Variants in NRXN3 observed in about 807,000 individuals in gnomAD.
NRXN3 encodes neurexin III.
In NRXN3, 32 loss-of-function variants were observed where a neutral mutation model predicts 137.6. That is an observed-to-expected ratio of 0.23 (90% CI 0.18 to 0.31). The LOEUF is 0.31. Among genes scored for constraint, NRXN3 ranks in the 10% least tolerant of loss-of-function variants. NRXN3 has a pLI of 1.00. For synonymous variants in NRXN3, 798 were observed against 784.5 expected (o/e 1.02, Z -0.29); for missense variants, 1,574 against 2,062.5 (o/e 0.76, Z 4.59).
At chr14:79,277,662 CTG>C (rs1448562818) in intron 15 of NRXN3, among the ~76,000 whole-genome samples, 1 of 152,200 alleles carries the variant, frequency 6.6e-6, no homozygotes, top group Non-Finnish European at 1.5e-5. Context: ...GAGGAGGAAA[CTG>C]AGGTTTCAAT....
chr14:79,166,284 C>A (rs1033695393), intron 15 of NRXN3, among the ~76,000 whole-genome samples: 1 of 151,768 alleles, frequency 6.6e-6, no homozygotes, highest in Non-Finnish European at 1.5e-5. Context: ...TTCATCATGC[C>A]GGCTCCTTCT....
At chr14:79,660,296 C>T (rs2098527284) in intron 16 of NRXN3, among the ~76,000 whole-genome samples, 1 of 152,088 alleles carries the variant, frequency 6.6e-6, no homozygotes, top group Non-Finnish European at 1.5e-5. Flanking sequence ...CCACCGTGGT[C>T]CCATGACAAA....
At chr14:78,669,239 G>A (rs2097913955) in intron 6 of NRXN3, among the ~76,000 whole-genome samples, 1 of 151,638 alleles carries the variant, frequency 6.6e-6, no homozygotes, top group Non-Finnish European at 1.5e-5. Context: ...CTAATAATAA[G>A]CTAAAGGAAG....
intron 4 of NRXN3, among the ~76,000 whole-genome samples, chr14:78,486,517 G>A (rs1010573470): frequency 6.6e-6 from 1 of 152,144 alleles, no homozygotes; most frequent in Non-Finnish European, 1.5e-5. Context: ...TGGCAGAGGA[G>A]AGTCCGTGTA....
At chr14:79,806,808 A>G (rs1260019062) in intron 20 of NRXN3, among the ~76,000 whole-genome samples, 1 of 150,184 alleles carries the variant, frequency 6.7e-6, no homozygotes, top group East Asian at 2.0e-4. Context: ...GATATTTTTG[A>G]GAGTCAACTG....
At chr14:78,530,388 A>C (rs368931330) in intron 4 of NRXN3, among the ~76,000 whole-genome samples, 3 of 152,166 alleles carry the variant, frequency 2.0e-5, no homozygotes, top group South Asian at 4.1e-4. Context: ...ATTTACTTAG[A>C]CCCTTTTTAT....
At chr14:79,409,879 T>C (rs2095388673) in intron 15 of NRXN3, among the ~76,000 whole-genome samples, 1 of 151,820 alleles carries the variant, frequency 6.6e-6, no homozygotes. Context: ...GGTTCTCATA[T>C]TAAGCATGGA....
chr14:79,368,048 T>C (rs1228436330), intron 15 of NRXN3, among the ~76,000 whole-genome samples: 1 of 152,216 alleles, frequency 6.6e-6, no homozygotes, highest in African/African-American at 2.4e-5. Context: ...CAAGTGATCA[T>C]TTCATCACTT....
At chr14:79,788,123 G>A (rs1045100228) in intron 19 of NRXN3, among the ~76,000 whole-genome samples, 2 of 152,166 alleles carry the variant, frequency 1.3e-5, no homozygotes, top group Non-Finnish European at 2.9e-5. Flanking sequence ...ATCTTACATG[G>A]TGGCAGGCAA....
intron 8 of NRXN3, among the ~76,000 whole-genome samples, chr14:78,793,674 C>T (rs895956615): frequency 3.9e-5 from 6 of 152,102 alleles, no homozygotes; most frequent in South Asian, 2.1e-4. Context: ...GGGTTTTTAC[C>T]GGAGGTCAGT....
intron 4 of NRXN3, among the ~76,000 whole-genome samples, chr14:78,592,696 A>G (rs1323443492): frequency 6.6e-6 from 1 of 152,186 alleles, no homozygotes; most frequent in Non-Finnish European, 1.5e-5. Flanking sequence ...GCTGTTGTGC[A>G]TTCTGCTCTG....
chr14:78,938,842 A>ATTTTTTTTTTT lies in NRXN3; in HGVS notation c.2276-18395_2276-18394insTTTTTTTTTTT, dbSNP rs1312407059. On this transcript the variant is annotated intron_variant, in intron 10 of 20. Coordinates refer to ENST00000335750, the MANE Select transcript of NRXN3 (RefSeq NM_001330195.2). ...ACTTTATATTTGAAGGTCCAGAGTG[A>ATTTTTTTTTTT]TTTTTCTTTTTTTTTTTTTTTTGAG... Among the ~76,000 whole-genome samples the ATTTTTTTTTTT allele has an allele frequency of 6.7e-5, 9 of 134,386 alleles. No individual in the cohort carries two copies. In the East Asian group the frequency reaches 1.9e-3, roughly 28 times the overall value. The allele number at this position is 134,386 out of a possible 152,430, so 88.2% of individuals were successfully genotyped here. A position where few individuals can be genotyped will look rare whatever the true frequency, so the allele number is the denominator to read the frequency against.
intron 16 of NRXN3, among the ~76,000 whole-genome samples, chr14:79,649,513 T>G (rs2098466188): frequency 6.6e-6 from 1 of 152,162 alleles, no homozygotes; most frequent in Non-Finnish European, 1.5e-5. Context: ...GGAAGGCCCT[T>G]TGGGTAAGAG....
intron 15 of NRXN3, among the ~76,000 whole-genome samples, chr14:79,073,031 T>C (rs2099690138): frequency 6.6e-6 from 1 of 151,912 alleles, no homozygotes; most frequent in African/African-American, 2.4e-5. Context: ...GAATTACAGG[T>C]GCCCACCACC....
intron 15 of NRXN3, among the ~76,000 whole-genome samples, chr14:79,361,674 G>T (rs1012113058): frequency 6.6e-6 from 1 of 152,106 alleles, no homozygotes; most frequent in African/African-American, 2.4e-5. Context: ...CTGAAATCAC[G>T]CCACGGCACT....
chr14:78,297,196 C>A (rs115315726), intron 3 of NRXN3, among the ~76,000 whole-genome samples: 2,464 of 152,162 alleles, frequency 0.016, 57 homozygotes, highest in African/African-American at 0.05. Flanking sequence ...GTATTGTTGT[C>A]CCTGGGCTAA....
intron 16 of NRXN3, among the ~76,000 whole-genome samples, chr14:79,497,370 T>G (rs2153666100): frequency 6.6e-6 from 1 of 152,272 alleles, no homozygotes; most frequent in Admixed American, 6.5e-5. Context: ...TTGACCTGAG[T>G]GTCCCATCCC....
chr14:78,409,077 G>A (rs118030137), intron 4 of NRXN3, among the ~76,000 whole-genome samples: 3,874 of 152,294 alleles, frequency 0.025, 69 homozygotes, highest in Non-Finnish European at 0.034. Flanking sequence ...CCAAGGGACA[G>A]CCTTCAATAA....
At chr14:79,794,212 AAAT>A (rs1301532430) in intron 19 of NRXN3, among the ~76,000 whole-genome samples, 1 of 152,042 alleles carries the variant, frequency 6.6e-6, no homozygotes, top group Non-Finnish European at 1.5e-5. Context: ...AAAATACAAA[AAAT>A]TAGCAGGGCG....
Sources: gnomAD v4.1 joint callset for allele counts (sites outside exome capture counted in the v4.1 genomes callset) on GRCh38, gnomAD v4.1.1 for gene constraint, MANE v1.5 for transcripts, NCBI Gene and HGNC (gene_info 2026-07-23, HGNC 2026-07-21) for gene names.